NDST4: variants seen among roughly 807,000 people sequenced by gnomAD.
The protein encoded by NDST4 is N-deacetylase and N-sulfotransferase 4, also known as N-heparan sulfate sulfotransferase 4.
A neutral mutation model predicts 100.8 loss-of-function variants in NDST4; 63 were observed. That is an observed-to-expected ratio of 0.62 (90% CI 0.51 to 0.77). The LOEUF is 0.77. Among genes scored for constraint, NDST4 ranks in the 30% least tolerant of loss-of-function variants. The probability of loss-of-function intolerance (pLI) is 0.00; values close to 1 mark genes in which losing one functional copy is unlikely to be tolerated. For missense variants in NDST4, 943 were observed against 1,018.4 expected (o/e 0.93, Z 1.01); for synonymous variants, 377 against 361.8 (o/e 1.04, Z -0.48).
At chr4:115,066,437 T>C (rs1459544847) in intron 2 of NDST4, among the ~76,000 whole-genome samples, 4 of 152,130 alleles carry the variant, frequency 2.6e-5, no homozygotes, top group African/African-American at 7.2e-5. Context: ...ACAATGATAT[T>C]TTCAATAAAA....
intron 4 of NDST4, among the ~76,000 whole-genome samples, chr4:114,945,704 T>C (rs1352373449): frequency 6.6e-6 from 1 of 152,228 alleles, no homozygotes; most frequent in Non-Finnish European, 1.5e-5. Context: ...ACACTGGCGC[T>C]ACAGAGAATA....
At chr4:114,952,422 C>A (rs1360488532) in intron 4 of NDST4, among the ~76,000 whole-genome samples, 1 of 151,962 alleles carries the variant, frequency 6.6e-6, no homozygotes, top group African/African-American at 2.4e-5. Context: ...CTAGGAAAAT[C>A]AAATAGATAA....
At chr4:114,873,394 TAAAATTTAAATCATTTA>T (rs1395691097) in intron 6 of NDST4, among the ~76,000 whole-genome samples, 2 of 151,802 alleles carry the variant, frequency 1.3e-5, no homozygotes, top group African/African-American at 4.8e-5. Flanking sequence ...GAATCTCAAG[TAAAATTTAAATCATTTA>T]AAAATTTAAA....
chr4:115,045,745 T>C lies in NDST4; in HGVS notation c.978+30314A>G, dbSNP rs146860367. Reference sequence around the variant, plus strand: ...AGTACTTTTGTTTTATTTTATTTTATATTTTTAGTTCGAGGTGGGAATATA... The same window carrying C: ...AGTACTTTTGTTTTATTTTATTTTACATTTTTAGTTCGAGGTGGGAATATA... On this transcript the variant is annotated intron_variant, in intron 2 of 13. Transcript: ENST00000264363. Among the ~76,000 whole-genome samples, 401 of 152,292 alleles carry C rather than the reference T, an allele frequency of 2.6e-3. 1 individual carries two copies. The highest frequency in any genetic ancestry group is 9.3e-3 in the African/African-American group (386 of 41,574).
intron 6 of NDST4, among the ~76,000 whole-genome samples, chr4:114,904,701 G>GT (rs11462506): frequency 0.043 from 6,475 of 151,498 alleles, 442 homozygotes; most frequent in East Asian, 0.33. Flanking sequence ...AATTTGTAGA[G>GT]TTTTTTTTAC....
chr4:114,966,873 A>C (rs893707387), intron 4 of NDST4, among the ~76,000 whole-genome samples: 1 of 152,116 alleles, frequency 6.6e-6, no homozygotes, highest in Non-Finnish European at 1.5e-5. Context: ...GTTGATGTAA[A>C]TTAATTATCT....
At chr4:115,012,909 G>A (rs79485037) in intron 2 of NDST4, among the ~76,000 whole-genome samples, 10,081 of 151,954 alleles carry the variant, frequency 0.066, 1,085 homozygotes, top group African/African-American at 0.22. Flanking sequence ...CAACAAAAGG[G>A]ATGAAACTGA....
chr4:114,866,754 T>G (rs1344122230), intron 7 of NDST4, among the ~76,000 whole-genome samples: 1 of 152,110 alleles, frequency 6.6e-6, no homozygotes, highest in Non-Finnish European at 1.5e-5. Flanking sequence ...AAAAGAGAAA[T>G]AAATATGAAG....
chr4:115,045,836 G>C lies in NDST4; in HGVS notation c.978+30223C>G, dbSNP rs113338328. On this transcript the variant is annotated intron_variant, in intron 2 of 13. Coordinates refer to ENST00000264363, the MANE Select transcript of NDST4 (RefSeq NM_022569.3). ...AAAAATTGATGTGGAAGAAATATGG[G>C]AGAATTGCCACAGTCAAGTCCATGA... 2.2e-3 allele frequency among the ~76,000 whole-genome samples: 337 copies of C among 152,226 alleles called. 1 individual carries two copies. Among genetic ancestry groups the C allele is most frequent in the African/African-American group, 7.8e-3 (323 of 41,546 alleles).
At chr4:114,986,377 A>T (rs1294378881) in intron 2 of NDST4, among the ~76,000 whole-genome samples, 1 of 152,048 alleles carries the variant, frequency 6.6e-6, no homozygotes, top group Non-Finnish European at 1.5e-5. Context: ...TTGTTACTGG[A>T]GGGTGTCCTG....
At chr4:115,032,194 G>T (rs1259115137) in intron 2 of NDST4, among the ~76,000 whole-genome samples, 2 of 152,050 alleles carry the variant, frequency 1.3e-5, no homozygotes, top group Non-Finnish European at 2.9e-5. Flanking sequence ...AGCTATATAA[G>T]CTGCTTCCTA....
chr4:115,105,459 C>G (rs550342363), intron 1 of NDST4, among the ~76,000 whole-genome samples: 1 of 152,058 alleles, frequency 6.6e-6, no homozygotes, highest in South Asian at 2.1e-4. Context: ...TAGGGCATAT[C>G]CTGAGTAATT....
intron 2 of NDST4, among the ~76,000 whole-genome samples, chr4:115,062,241 C>T (rs482935): frequency 0.75 from 113,342 of 151,952 alleles, 43,513 homozygotes; most frequent in African/African-American, 0.93. Context: ...AATTGAAATA[C>T]TTTTTGAAAA....
At position 114,986,821 on chromosome 4, in the gene NDST4, TATATATATATA is replaced by T. The variant is rs1560845415; in HGVS notation, c.979-9558_979-9548del. Among the ~76,000 whole-genome samples the T allele has an allele frequency of 4.4e-4, 56 of 126,712 alleles. 1 individual carries two copies. The highest frequency in any genetic ancestry group is 6.9e-4 in the Non-Finnish European group (42 of 60,644). 83.1% of individuals were successfully genotyped at this position (126,712 alleles called of 152,430 possible). ...ATATATATATATATATATATATATA[TATATATATATA>T]TTTTAATATACTATTCCTATAAGCT... On this transcript the variant is annotated intron_variant, in intron 2 of 13. Coordinates refer to ENST00000264363, the MANE Select transcript of NDST4 (RefSeq NM_022569.3).
intron 7 of NDST4, among the ~76,000 whole-genome samples, chr4:114,861,142 T>C (rs2126192693): frequency 6.6e-6 from 1 of 152,336 alleles, no homozygotes; most frequent in Admixed American, 6.5e-5. Context: ...GCTCATATTT[T>C]TCCCCAAAAT....
At chr4:114,890,459 A>G (rs891796705) in intron 6 of NDST4, among the ~76,000 whole-genome samples, 6 of 152,132 alleles carry the variant, frequency 3.9e-5, no homozygotes, top group Non-Finnish European at 5.9e-5. Flanking sequence ...ATACTCTAGG[A>G]CAAATCTCTA....
intron 6 of NDST4, among the ~76,000 whole-genome samples, chr4:114,884,673 T>C (rs1724440392): frequency 6.6e-6 from 1 of 152,170 alleles, no homozygotes; most frequent in Non-Finnish European, 1.5e-5. Context: ...AATTAACTTT[T>C]CAGAAATATT....
rs1169334952 is a variant in NDST4 at position 114,827,838 on chromosome 4, T to C, written c.2597A>G (p.Gln866Arg). The change falls in exon 14 of 14, where the codon CAG (glutamine) becomes CGG (arginine). Residue 866 changes from glutamine to arginine, a missense_variant. Physicochemically the swap from Gln to Arg is conservative, Grantham distance 43. This residue lies in a region of NDST4 where 526 missense variants were observed against 634.1 expected (regional missense o/e 0.83). Coordinates refer to ENST00000264363, the MANE Select transcript of NDST4 (RefSeq NM_022569.3). ...LGQPLPSWLR[Q>R]ELQKVR is the part of the protein sequence containing the mutation. ...GTGCTATCTCACTTTCTGCAGTTCCTGTCTCAGCCACGATGGCAGAGGCTG... is the reference window on the plus strand; with the variant it reads ...GTGCTATCTCACTTTCTGCAGTTCCCGTCTCAGCCACGATGGCAGAGGCTG... 10 of 1,612,200 alleles carry C rather than the reference T, an allele frequency of 6.2e-6. No individual in the cohort carries two copies. The highest frequency in any genetic ancestry group is 2.2e-5 in the East Asian group (1 of 44,796).
Position 114,935,287 on chromosome 4 carries a change from G to A in NDST4, c.1455C>T (p.Tyr485=), listed in dbSNP as rs1725603758. 1 of 1,610,356 alleles carries A rather than the reference G, an allele frequency of 6.2e-7. No individual in the cohort carries two copies. The highest frequency in any genetic ancestry group is 1.7e-5 in the Admixed American group (1 of 59,420). The change falls in exon 6 of 14, where the codon TAC becomes TAT. Residue 485 remains tyrosine, a synonymous_variant. Coordinates refer to ENST00000264363, the MANE Select transcript of NDST4 (RefSeq NM_022569.3). ...CTTGGGGTCCTCCTGGATATTCTTT[G>A]TAGAAAATAGTGTGAGTGAACAACC... The part of the protein sequence containing the change: ...TCGLFTHTIF[Y]KEYPGGPQEL...
Sources: gnomAD v4.1 joint callset for allele counts (sites outside exome capture counted in the v4.1 genomes callset) on GRCh38, gnomAD v4.1.1 for gene constraint, gnomAD v4.1.1 regional missense constraint, MANE v1.5 for transcripts, NCBI Gene and HGNC (gene_info 2026-07-23, HGNC 2026-07-21) for gene names.